PHIP: variants seen among roughly 807,000 people sequenced by gnomAD.
PHIP encodes PHIP subunit of CUL4-Ring ligase complex, also known as PH-interacting protein.
A neutral mutation model predicts 236.8 loss-of-function variants in PHIP; 54 were observed. The observed-to-expected ratio is 0.23, with a 90% CI of 0.18 to 0.29. The LOEUF (loss-of-function observed/expected upper bound fraction) is 0.29. PHIP is among the 10% of genes least tolerant of loss of function. The probability of loss-of-function intolerance (pLI) is 1.00; values close to 1 mark genes in which losing one functional copy is unlikely to be tolerated. For missense variants in PHIP, 1,370 were observed against 2,190.8 expected (o/e 0.63, Z 7.48); for synonymous variants, 756 against 718.9 (o/e 1.05, Z -0.83).
chr6:78,946,452 T>G, intron 37 of PHIP, 192 bp from the exon 38 acceptor site: 1 of 1,403,298 alleles, frequency 7.1e-7, no homozygotes, highest in Non-Finnish European at 9.2e-7. Context: ...AATGCTAAAG[T>G]TATATGACGG....
At chr6:78,946,936 A>G (rs1464570010) in intron 36 of PHIP, 62 bp from the exon 37 acceptor site, 1 of 924,384 alleles carries the variant, frequency 1.1e-6, no homozygotes, top group East Asian at 2.8e-5. Context: ...TGTTCAGTAA[A>G]TACTGTAATG....
At chr6:79,003,551 A>C (rs1260391403) in intron 16 of PHIP, among the ~76,000 whole-genome samples, 179 bp downstream of exon 16, 2 of 151,992 alleles carry the variant, frequency 1.3e-5, no homozygotes, top group Non-Finnish European at 2.9e-5. Flanking sequence ...TTAAAGTGAG[A>C]TTTAACTGCT....
chr6:78,970,689 T>C (rs1767474929), intron 25 of PHIP, 92 bp downstream of exon 25: 1 of 773,688 alleles, frequency 1.3e-6, no homozygotes, highest in African/African-American at 1.8e-5. Context: ...TGATGCAGTT[T>C]CTTATTGTGT....
In PHIP at chr6:78,991,005, T is replaced by G. The variant is rs1325453223; in HGVS notation, c.2202-20A>C. 4 of 1,425,848 alleles carry G rather than the reference T, an allele frequency of 2.8e-6. No homozygotes were observed. The highest frequency in any genetic ancestry group is 3.9e-6 in the Non-Finnish European group (4 of 1,018,196). 88.3% of individuals were successfully genotyped at this position (1,425,848 alleles called of 1,614,324 possible). A position where few individuals can be genotyped will look rare whatever the true frequency, so the allele number is the denominator to read the frequency against. ...TGCCTACTGAAAGACAAAAGCCATA[T>G]GCATTAATCTAGAATTTTACACATA... On this transcript the variant is annotated intron_variant, in intron 19 of 39. Coordinates refer to ENST00000275034, the MANE Select transcript of PHIP (RefSeq NM_017934.7).
At chr6:79,028,909 T>C (rs535777122) in intron 7 of PHIP, among the ~76,000 whole-genome samples, 32 of 152,290 alleles carry the variant, frequency 2.1e-4, no homozygotes, top group Non-Finnish European at 3.4e-4. Flanking sequence ...TTGACCAAAA[T>C]GTCAGTTTTA....
At chr6:78,965,528 C>G (rs753138951) in intron 29 of PHIP, among the ~76,000 whole-genome samples, 175 bp downstream of exon 29, 5 of 152,140 alleles carry the variant, frequency 3.3e-5, no homozygotes, top group African/African-American at 4.8e-5. Flanking sequence ...TTATATCTAT[C>G]TTCTTCACTG....
At chr6:78,999,792 A>G (rs574961949) in intron 17 of PHIP, among the ~76,000 whole-genome samples, 22 of 152,162 alleles carry the variant, frequency 1.4e-4, no homozygotes, top group African/African-American at 5.1e-4. Flanking sequence ...TACATGCATA[A>G]TTTCATTTAT....
intron 4 of PHIP, among the ~76,000 whole-genome samples, chr6:79,076,927 G>T (rs1245833235): frequency 1.3e-5 from 2 of 152,214 alleles, no homozygotes; most frequent in East Asian, 3.9e-4. Context: ...GACAGAGGGG[G>T]AAAAAATAAT....
chr6:79,026,984 C>T lies in PHIP; in HGVS notation c.601-820G>A, dbSNP rs535609112. Among the ~76,000 whole-genome samples the T allele has an allele frequency of 3.9e-5, 6 of 152,154 alleles. No individual in the cohort carries two copies. The South Asian group carries it at 8.3e-4, about 21-fold the overall frequency. On this transcript the variant is annotated intron_variant, in intron 7 of 39. Transcript: ENST00000275034. ...ACACAAGGTTAAAAGAGAAAACACA[C>T]ACTTTTGCAAAATTACTGAATATTT...
chr6:79,036,921 CAAAAAAAAAAAAAA>C (rs34875528), intron 7 of PHIP, among the ~76,000 whole-genome samples: 1 of 38,950 alleles, frequency 2.6e-5, no homozygotes, highest in Admixed American at 3.6e-4. Context: ...GACTCCGTCT[CAAAAAAAAAAAAAA>C]AAAAAAAAAA....
chr6:78,958,830 C>G (rs1020271082), intron 31 of PHIP, among the ~76,000 whole-genome samples: 2 of 151,982 alleles, frequency 1.3e-5, no homozygotes, highest in Admixed American at 6.6e-5. Context: ...ATGGAACACA[C>G]CATATTAACA....
chr6:79,029,009 T>C (rs1032359627), intron 7 of PHIP, among the ~76,000 whole-genome samples: 9 of 152,240 alleles, frequency 5.9e-5, no homozygotes, highest in Non-Finnish European at 1.2e-4. Context: ...ACTATATTCC[T>C]ACTGGGTTTA....
At position 79,077,548 on chromosome 6, in the gene PHIP, C is replaced by G. The variant is rs772189571; in HGVS notation, c.130-41G>C. The stretch of plus-strand genomic sequence containing the variant: ...ACCCCGTGAGCCCGGCCCCCGGCCC[C>G]TACCCGCCCGCTCCCCTCCCCCGCC... On this transcript the variant is annotated intron_variant, in intron 3 of 39. Transcript: ENST00000275034. The G allele has an allele frequency of 4.6e-6, 6 of 1,300,536 alleles. No homozygotes were observed. In the South Asian group the frequency reaches 5.1e-5, roughly 11 times the overall value. 80.6% of individuals were successfully genotyped at this position (1,300,536 alleles called of 1,614,324 possible).
chr6:79,065,273 T>G (rs2127775641), intron 4 of PHIP, among the ~76,000 whole-genome samples: 1 of 152,302 alleles, frequency 6.6e-6, no homozygotes, highest in African/African-American at 2.4e-5. Context: ...TCACCCCTAC[T>G]TAAAACACTT....
chr6:79,038,564 T>C (rs1056418786), intron 7 of PHIP, among the ~76,000 whole-genome samples: 2 of 152,346 alleles, frequency 1.3e-5, no homozygotes, highest in East Asian at 3.9e-4. Flanking sequence ...CTGCCTTTCA[T>C]GAAATTCTCA....
At chr6:79,049,301 A>C (rs1772670043) in intron 6 of PHIP, among the ~76,000 whole-genome samples, 1 of 152,088 alleles carries the variant, frequency 6.6e-6, no homozygotes, top group African/African-American at 2.4e-5. Flanking sequence ...GCCTCAAGTG[A>C]TCTGCCTGCC....
intron 7 of PHIP, among the ~76,000 whole-genome samples, chr6:79,029,172 A>C (rs941741956): frequency 1.1e-4 from 16 of 152,102 alleles, no homozygotes; most frequent in African/African-American, 3.9e-4. Context: ...CAGAGAGAGA[A>C]ATTTTTGACC....
Position 78,936,310 on chromosome 6 carries a change from A to G in PHIP, c.*4383T>C, listed in dbSNP as rs900097837. 3.3e-5 allele frequency: 5 copies of G among 151,916 alleles called. No individual in the cohort carries two copies. 9.4% of individuals were successfully genotyped at this position (151,916 alleles called of 1,614,324 possible). On this transcript the variant is annotated 3_prime_UTR_variant, in exon 40 of 40. Transcript: ENST00000275034. ...TTTTAAAAATTGAGCTACATTCTAC[A>G]CATGTCTAAATATCCTGTGACAGGA... is the stretch of plus-strand genomic sequence containing the variant.
intron 4 of PHIP, among the ~76,000 whole-genome samples, chr6:79,072,915 A>T (rs1773958112): frequency 6.6e-6 from 1 of 152,222 alleles, no homozygotes; most frequent in African/African-American, 2.4e-5. Context: ...TACCACTACT[A>T]AAGTTCTGAT....
Sources: gnomAD v4.1 joint callset for allele counts (sites outside exome capture counted in the v4.1 genomes callset) on GRCh38, gnomAD v4.1.1 for gene constraint, MANE v1.5 for transcripts, NCBI Gene and HGNC (gene_info 2026-07-23, HGNC 2026-07-21) for gene names.